Variants in METTL6 observed in about 807,000 individuals in gnomAD.
METTL6 encodes methyltransferase 6, tRNA N3-cytidine, also known as tRNA N(3)-cytidine methyltransferase METTL6.
Under a neutral mutation model 26.4 loss-of-function variants are expected in METTL6, and 22 were observed. The ratio of observed to expected loss-of-function variants is 0.83; its 90% CI spans 0.59 to 1.19. The LOEUF (loss-of-function observed/expected upper bound fraction) is 1.19. Ranked by LOEUF, METTL6 falls within the 50% of genes most tolerant of loss-of-function variation. METTL6 has a pLI of 0.00. For missense variants in METTL6, 304 were observed against 324.8 expected (o/e 0.94, Z 0.49); for synonymous variants, 109 against 116.2 (o/e 0.94, Z 0.40).
At chr3:15,427,609 CCA>C (rs2061758589), upstream of METTL6, 2 of 633,330 alleles carry the variant, frequency 3.2e-6, no homozygotes, top group South Asian at 3.7e-5. Flanking sequence ...TCTCTCACCC[CCA>C]CGCAGAGGAG....
At chr3:15,400,905 GTGA>G (rs1220752824) in intron 6 of METTL6, among the ~76,000 whole-genome samples, 2 of 152,128 alleles carry the variant, frequency 1.3e-5, no homozygotes, top group East Asian at 3.9e-4. Context: ...CAGTTTTGGA[GTGA>G]TGGAGTGCAA....
rs1459169998 is a variant in METTL6, at chr3:15,426,617, C to G, written c.-106G>C. The G allele has an allele frequency of 9.9e-7, 1 of 1,012,838 alleles. No homozygotes were observed. The highest frequency in any genetic ancestry group is 2.4e-5 in the East Asian group (1 of 41,872). 62.7% of individuals were successfully genotyped at this position (1,012,838 alleles called of 1,614,324 possible). A position where few individuals can be genotyped will look rare whatever the true frequency, so the allele number is the denominator to read the frequency against. On this transcript the variant is annotated 5_prime_UTR_variant, in exon 2 of 6. Transcript: ENST00000383790. ...TACATTTCCTGAGGTGAGTTTCACGCCTCAAACAGCACAGGGGGCTTCGCA... is the reference window on the plus strand; with the variant it reads ...TACATTTCCTGAGGTGAGTTTCACGGCTCAAACAGCACAGGGGGCTTCGCA...
In METTL6 at chr3:15,424,092, A is replaced by G. The variant is rs371527061; in HGVS notation, c.360+863T>C. On this transcript the variant is annotated intron_variant, in intron 3 of 5. Coordinates refer to ENST00000383790, the MANE Select transcript of METTL6 (RefSeq NM_152396.4). Reference sequence around the variant, plus strand: ...CTACTTGAGAGGCTGAGGTGAAAGAATCGCTTAAGCCCAGGAGGTTGAGGC... The same window carrying G: ...CTACTTGAGAGGCTGAGGTGAAAGAGTCGCTTAAGCCCAGGAGGTTGAGGC... Among the ~76,000 whole-genome samples, 238 of 152,238 alleles carry G rather than the reference A, an allele frequency of 1.6e-3. 1 individual carries two copies. The highest frequency in any genetic ancestry group is 5.4e-3 in the African/African-American group (226 of 41,530).
At chr3:15,390,473 A>T (rs1265730476) in intron 6 of METTL6, among the ~76,000 whole-genome samples, 1 of 152,222 alleles carries the variant, frequency 6.6e-6, no homozygotes, top group Admixed American at 6.5e-5. Flanking sequence ...CAAAAATTGT[A>T]ACAGAAAATT....
At chr3:15,416,820 A>G (rs1429648915) in intron 3 of METTL6, among the ~76,000 whole-genome samples, 2 of 152,262 alleles carry the variant, frequency 1.3e-5, no homozygotes, top group Non-Finnish European at 1.5e-5. Flanking sequence ...GGACCTGAAT[A>G]AATAGATATA....
rs147867132 is a variant in METTL6, at chr3:15,402,283, G to C, written c.*11+8962C>G. ...AAAATTCAGACTAGGGTTTTTCAAG[G>C]ATAGTTTGGTGGGCAGCAGGGCTAG... On this transcript the variant is annotated intron_variant, in intron 6 of 6. Transcript: ENST00000443029. Among the ~76,000 whole-genome samples the C allele has an allele frequency of 1.7e-3, 264 of 152,288 alleles. 3 individuals are homozygous for C. The highest frequency in any genetic ancestry group is 6.1e-3 in the African/African-American group (252 of 41,552).
downstream of METTL6, among the ~76,000 whole-genome samples, chr3:15,406,613 TATATATATATATATATAG>T (rs1317691706): frequency 9.1e-3 from 603 of 65,906 alleles, no homozygotes; most frequent in African/African-American, 0.016. Flanking sequence ...TATATATATA[TATATATATATATATATAG>T]AGAGAGAGAG....
At chr3:15,426,082 A>G (rs2061714357) in intron 2 of METTL6, among the ~76,000 whole-genome samples, 1 of 152,162 alleles carries the variant, frequency 6.6e-6, no homozygotes, top group South Asian at 2.1e-4. Flanking sequence ...CTGGGACTAC[A>G]GGCGAGCACC....
intron 6 of METTL6, among the ~76,000 whole-genome samples, chr3:15,385,609 C>A (rs1032263548): frequency 2.6e-5 from 4 of 151,910 alleles, no homozygotes; most frequent in Admixed American, 6.6e-5. Context: ...AACAAACAAA[C>A]GAACGAACAA....
intron 3 of METTL6, among the ~76,000 whole-genome samples, chr3:15,423,122 G>A (rs1484584639): frequency 3.9e-5 from 6 of 152,340 alleles, no homozygotes; most frequent in South Asian, 2.1e-4. Context: ...TGAGCCAGGC[G>A]TGGTGGCTCA....
At chr3:15,404,081 C>T (rs932633084) in intron 6 of METTL6, among the ~76,000 whole-genome samples, 1 of 152,282 alleles carries the variant, frequency 6.6e-6, no homozygotes, top group African/African-American at 2.4e-5. Flanking sequence ...GACCTCCTAT[C>T]TCGTCCTATG....
chr3:15,424,925 C>A (rs767678156), intron 3 of METTL6, 30 bp downstream of exon 3: 6 of 1,610,408 alleles, frequency 3.7e-6, no homozygotes, highest in Non-Finnish European at 4.2e-6. Flanking sequence ...AAAACAGAAA[C>A]ACAGCAGAAT....
intron 6 of METTL6, among the ~76,000 whole-genome samples, chr3:15,391,477 C>CT: frequency 6.6e-6 from 1 of 152,030 alleles, no homozygotes. Flanking sequence ...AATTCCAGAT[C>CT]CTGTAACTTA....
rs113770581 is a variant in METTL6, at chr3:15,425,127, T to C, written c.226-38A>G. 1.3e-4 allele frequency: 206 copies of C among 1,605,334 alleles called. No individual in the cohort carries two copies. The African/African-American group carries it at 1.6e-3, about 13-fold the overall frequency. ...AGCTCAAAGTTATAGTATATCACAT[T>C]TGCATAATGAAGAAATAAACCAAAC... On this transcript the variant is annotated intron_variant, in intron 2 of 5. Coordinates refer to ENST00000383790, the MANE Select transcript of METTL6 (RefSeq NM_152396.4).
At chr3:15,408,264 G>A (rs996353468), downstream of METTL6, among the ~76,000 whole-genome samples, 6 of 152,232 alleles carry the variant, frequency 3.9e-5, no homozygotes, top group South Asian at 2.1e-4. Context: ...TGCTGGACGC[G>A]TCATACAGGT....
At chr3:15,395,140 C>G (rs1185995586) in intron 6 of METTL6, among the ~76,000 whole-genome samples, 1 of 152,174 alleles carries the variant, frequency 6.6e-6, no homozygotes, top group Non-Finnish European at 1.5e-5. Flanking sequence ...GTCTAAGTCT[C>G]TTTGTAGGTC....
intron 6 of METTL6, chr3:15,384,200 C>CA: frequency 5.6e-6 from 2 of 356,774 alleles, no homozygotes; most frequent in South Asian, 2.0e-5. Flanking sequence ...GAAAAAGAAA[C>CA]AAAAAAGAGA....
At chr3:15,406,596 ATATATATAT>A (rs1699794665), downstream of METTL6, among the ~76,000 whole-genome samples, 3 of 4,146 alleles carry the variant, frequency 7.2e-4, no homozygotes, top group African/African-American at 1.9e-3. Flanking sequence ...TTATATATAT[ATATATATAT>A]ATATATATAT....
intron 4 of METTL6, chr3:15,414,484 T>C: frequency 2.3e-6 from 1 of 426,294 alleles, no homozygotes; most frequent in Non-Finnish European, 3.5e-6. Context: ...GCCTCCCGAG[T>C]AGCTGGGATT....
Sources: allele counts gnomAD v4.1 joint callset (sites outside exome capture counted in the v4.1 genomes callset), GRCh38; gene constraint gnomAD v4.1.1; transcripts MANE v1.5; gene names NCBI Gene and HGNC (gene_info 2026-07-23, HGNC 2026-07-21).